Variants in LOC728392 observed in about 807,000 individuals in gnomAD.
chr17:5,500,666 G>T, the LOC728392 span: 9 of 1,273,658 alleles, frequency 7.1e-6, no homozygotes, highest in African/African-American at 1.4e-4. The surrounding 1 kb of genome is among the most constrained non-coding windows in gnomAD (Gnocchi z 5.4). Flanking sequence ...CTGCGTAGAT[G>T]AAGATGGAGA....
At chr17:5,500,079 G>C in the LOC728392 span, 1,821 of 986,146 alleles carry the variant, frequency 1.8e-3, 5 homozygotes, top group Non-Finnish European at 2.1e-3. This position sits in a 1 kb window ranked among gnomAD's most constrained non-coding sequence, Gnocchi z 5.4. Context: ...GTCCTCTCTC[G>C]GCCGCGCCAA....
At chr17:5,500,947 C>A in the LOC728392 span, 6 of 1,253,312 alleles carry the variant, frequency 4.8e-6, no homozygotes, top group African/African-American at 6.5e-5. This position sits in a 1 kb window ranked among gnomAD's most constrained non-coding sequence, Gnocchi z 5.4. Flanking sequence ...CGAAAGAGCC[C>A]GTCAGCCATG....
the LOC728392 span, chr17:5,499,714 G>A: frequency 1.0e-6 from 1 of 958,982 alleles, no homozygotes; most frequent in African/African-American, 1.8e-5. Flanking sequence ...CACAGCTCCA[G>A]AAGTGAGCCG....
At chr17:5,500,529 A>T in the LOC728392 span, 8 of 1,199,416 alleles carry the variant, frequency 6.7e-6, no homozygotes, top group Non-Finnish European at 8.4e-6. The surrounding 1 kb of genome is among the most constrained non-coding windows in gnomAD (Gnocchi z 5.4). Flanking sequence ...AAAACACAAA[A>T]TGCCGAGCCC....
chr17:5,500,630 G>A, the LOC728392 span: 14 of 1,271,056 alleles, frequency 1.1e-5, no homozygotes, highest in South Asian at 9.2e-5. This position sits in a 1 kb window ranked among gnomAD's most constrained non-coding sequence, Gnocchi z 5.4. Flanking sequence ...AGGTAAAGAT[G>A]CAGGAGGTGA....
the LOC728392 span, chr17:5,500,352 C>T: frequency 2.9e-6 from 3 of 1,047,422 alleles, no homozygotes; most frequent in Non-Finnish European, 2.3e-6. The surrounding 1 kb of genome is among the most constrained non-coding windows in gnomAD (Gnocchi z 5.4). Context: ...TCAATCACAC[C>T]CCAAAATTCT....
chr17:5,500,707 C>G, the LOC728392 span: 2 of 1,254,518 alleles, frequency 1.6e-6, no homozygotes, highest in Non-Finnish European at 2.1e-6. The surrounding 1 kb of genome is among the most constrained non-coding windows in gnomAD (Gnocchi z 5.4). Context: ...TAGCAGCCCT[C>G]GTCCAGTGGA....
chr17:5,500,119 G>T, the LOC728392 span: 1 of 986,628 alleles, frequency 1.0e-6, no homozygotes, highest in Non-Finnish European at 1.2e-6. This position sits in a 1 kb window ranked among gnomAD's most constrained non-coding sequence, Gnocchi z 5.4. Flanking sequence ...CCTCCTGGGG[G>T]CGATGCAGCA....
chr17:5,500,427 T>C, the LOC728392 span: 1 of 1,117,322 alleles, frequency 8.9e-7, no homozygotes, highest in Non-Finnish European at 1.1e-6. This position sits in a 1 kb window ranked among gnomAD's most constrained non-coding sequence, Gnocchi z 5.4. Flanking sequence ...GCAGCTACTT[T>C]GTACTTTCGT....
chr17:5,500,172 C>T, the LOC728392 span: 8 of 986,474 alleles, frequency 8.1e-6, no homozygotes, highest in South Asian at 4.7e-5. The surrounding 1 kb of genome is among the most constrained non-coding windows in gnomAD (Gnocchi z 5.4). Flanking sequence ...GCCGACCCTC[C>T]CTGCCGGACC....
chr17:5,500,984 C>T, the LOC728392 span: 3 of 1,229,438 alleles, frequency 2.4e-6, no homozygotes, highest in East Asian at 9.1e-5. The surrounding 1 kb of genome is among the most constrained non-coding windows in gnomAD (Gnocchi z 5.4). Flanking sequence ...GGTGGGTCAG[C>T]CGGGTCTGGG....
At chr17:5,499,724 G>A in the LOC728392 span, 7 of 970,216 alleles carry the variant, frequency 7.2e-6, no homozygotes, top group Admixed American at 1.8e-4. Context: ...GAAGTGAGCC[G>A]GGCCAGAACG....
the LOC728392 span, chr17:5,499,557 G>C: frequency 6.4e-6 from 1 of 156,566 alleles, no homozygotes; most frequent in African/African-American, 2.4e-5. Flanking sequence ...AGTAAACAGA[G>C]ATGGCCGGTG....
the LOC728392 span, chr17:5,500,038 C>T: frequency 2.0e-6 from 2 of 986,100 alleles, no homozygotes; most frequent in Non-Finnish European, 2.4e-6. The surrounding 1 kb of genome is among the most constrained non-coding windows in gnomAD (Gnocchi z 5.4). Context: ...TACCGAGTCC[C>T]GCCCTCCAGC....
the LOC728392 span, chr17:5,500,813 C>T: frequency 3.7e-4 from 441 of 1,176,144 alleles, no homozygotes; most frequent in Non-Finnish European, 4.7e-4. This position sits in a 1 kb window ranked among gnomAD's most constrained non-coding sequence, Gnocchi z 5.4. Flanking sequence ...GACCAGCCTT[C>T]TTGCCCGCGG....
At chr17:5,500,319 G>A in the LOC728392 span, 1 of 1,043,408 alleles carries the variant, frequency 9.6e-7, no homozygotes, top group Non-Finnish European at 1.2e-6. This position sits in a 1 kb window ranked among gnomAD's most constrained non-coding sequence, Gnocchi z 5.4. Context: ...GGGGTCCAGG[G>A]GCATTCTAAT....
At chr17:5,499,791 A>G in the LOC728392 span, 3 of 985,824 alleles carry the variant, frequency 3.0e-6, no homozygotes, top group South Asian at 4.7e-5. Context: ...TAGGGCCCCC[A>G]GAGTCTCATC....
the LOC728392 span, chr17:5,501,006 T>C: frequency 5.2e-6 from 6 of 1,158,328 alleles, no homozygotes; most frequent in South Asian, 1.4e-5. Flanking sequence ...CAGAGCGCAG[T>C]GGGCGGTGGG....
chr17:5,500,492 T>C, the LOC728392 span: 1 of 1,159,386 alleles, frequency 8.6e-7, no homozygotes, highest in Non-Finnish European at 1.1e-6. This position sits in a 1 kb window ranked among gnomAD's most constrained non-coding sequence, Gnocchi z 5.4. Context: ...CATCGAAAGC[T>C]ACATGAAGGG....
Sources: allele counts gnomAD v4.1 joint callset, GRCh38; gene constraint gnomAD v4.1.1; non-coding constraint Gnocchi (gnomAD v3.1); transcripts MANE v1.5.